WASF2: variants seen among roughly 807,000 people sequenced by gnomAD.
The protein encoded by WASF2 is actin-binding protein WASF2.
A neutral mutation model predicts 45.0 loss-of-function variants in WASF2; 14 were observed. The ratio of observed to expected loss-of-function variants is 0.31; its 90% CI spans 0.21 to 0.49. The LOEUF is 0.49. Among genes scored for constraint, WASF2 ranks in the 20% least tolerant of loss-of-function variants. The pLI is 0.99. For missense variants in WASF2, 439 were observed against 636.1 expected (o/e 0.69, Z 3.33); for synonymous variants, 200 against 236.3 (o/e 0.85, Z 1.41).
chr1:27,480,444 G>A (rs1016370331), intron 1 of WASF2, among the ~76,000 whole-genome samples: 10 of 151,962 alleles, frequency 6.6e-5, no homozygotes, highest in Non-Finnish European at 1.5e-4. Flanking sequence ...TTGGACCCGG[G>A]AGGCAGAGGT....
rs188973063 is a variant in WASF2, at chr1:27,456,286, C to T, written c.-43-27353G>A. ...GCAGTGGGCTGAGACTGCACCACTG[C>T]ACTCTATCCTGGGCTACAGAGCGAG... On this transcript the variant is annotated intron_variant, in intron 1 of 8. Coordinates refer to ENST00000618852, the MANE Select transcript of WASF2 (RefSeq NM_006990.5). Among the ~76,000 whole-genome samples, 228 of 142,488 alleles carry T rather than the reference C, an allele frequency of 1.6e-3. 2 individuals carry two copies. The highest frequency in any genetic ancestry group is 2.2e-3 in the Non-Finnish European group (148 of 66,748). 93.5% of individuals were successfully genotyped at this position (142,488 alleles called of 152,430 possible).
intron 1 of WASF2, among the ~76,000 whole-genome samples, chr1:27,467,979 T>C (rs1024251189): frequency 1.3e-5 from 2 of 151,612 alleles, no homozygotes; most frequent in African/African-American, 4.8e-5. Context: ...TGTCGCCCAG[T>C]CTGGAGTGTA....
intron 1 of WASF2, among the ~76,000 whole-genome samples, chr1:27,462,041 G>A (rs1484949948): frequency 4.0e-5 from 6 of 149,558 alleles, no homozygotes; most frequent in South Asian, 2.1e-4. Context: ...GCAGTGGTGC[G>A]ATCTCGGATC....
intron 1 of WASF2, among the ~76,000 whole-genome samples, chr1:27,485,491 G>A (rs1056209204): frequency 6.6e-6 from 1 of 152,076 alleles, no homozygotes; most frequent in Non-Finnish European, 1.5e-5. Flanking sequence ...GGTGGAGGGT[G>A]TCATTCTAAA....
chr1:27,446,697 C>T (rs1385613298), intron 1 of WASF2, among the ~76,000 whole-genome samples: 6 of 150,978 alleles, frequency 4.0e-5, no homozygotes, highest in Non-Finnish European at 8.8e-5. Flanking sequence ...GGGTGGATCG[C>T]TTGAGCCTGG....
chr1:27,468,181 C>A (rs1379477339), intron 1 of WASF2, among the ~76,000 whole-genome samples: 1 of 152,068 alleles, frequency 6.6e-6, no homozygotes, highest in Non-Finnish European at 1.5e-5. Context: ...TTGAATATTT[C>A]TGTTAGACAA....
At chr1:27,478,885 A>G (rs2017808202) in intron 1 of WASF2, among the ~76,000 whole-genome samples, 2 of 152,114 alleles carry the variant, frequency 1.3e-5, no homozygotes, top group Admixed American at 6.6e-5. Flanking sequence ...CGCCCAGCCA[A>G]AATGTTCTAT....
intron 1 of WASF2, among the ~76,000 whole-genome samples, chr1:27,462,429 T>A (rs932984249): frequency 6.6e-6 from 1 of 152,154 alleles, no homozygotes; most frequent in African/African-American, 2.4e-5. Flanking sequence ...TAATGTAAAG[T>A]TCGTATCTTT....
chr1:27,444,628 A>G (rs2017288555), intron 1 of WASF2, among the ~76,000 whole-genome samples: 1 of 152,218 alleles, frequency 6.6e-6, no homozygotes, highest in South Asian at 2.1e-4. Flanking sequence ...GAGGCCAAGA[A>G]GTAGGTGGGC....
At chr1:27,430,193 AT>A (rs1198980107) in intron 1 of WASF2, among the ~76,000 whole-genome samples, 1 of 152,246 alleles carries the variant, frequency 6.6e-6, no homozygotes, top group Admixed American at 6.5e-5. Context: ...CACAAAATGG[AT>A]ATGACTACAG....
Position 27,408,113 on chromosome 1 carries a change from C to G in WASF2, c.*76G>C. The G allele has an allele frequency of 6.5e-7, 1 of 1,543,206 alleles. No homozygotes were observed. The highest frequency in any genetic ancestry group is 2.3e-5 in the East Asian group (1 of 43,836). ...TTTTTTCCTCCCTTTTCTCCCCCTACGGGTCTGTTGGGGTTGGCATCAAAG... is the reference window on the plus strand; with the variant it reads ...TTTTTTCCTCCCTTTTCTCCCCCTAGGGGTCTGTTGGGGTTGGCATCAAAG... On this transcript the variant is annotated 3_prime_UTR_variant, in exon 9 of 9. Transcript: ENST00000618852.
chr1:27,425,838 C>CAAA (rs57916899), intron 2 of WASF2, among the ~76,000 whole-genome samples: 3,342 of 48,586 alleles, frequency 0.069, 390 homozygotes, highest in African/African-American at 0.11. Flanking sequence ...GACTCCGTCT[C>CAAA]AAAAAAAAAA....
intron 2 of WASF2, among the ~76,000 whole-genome samples, chr1:27,426,356 T>A (rs146796407): frequency 6.6e-6 from 1 of 151,954 alleles, no homozygotes; most frequent in Non-Finnish European, 1.5e-5. Context: ...GAGGGAGGCT[T>A]GGGTAATAGT....
intron 2 of WASF2, among the ~76,000 whole-genome samples, chr1:27,420,053 C>T (rs911379324): frequency 1.3e-5 from 2 of 152,044 alleles, no homozygotes; most frequent in African/African-American, 4.8e-5. Flanking sequence ...TACAGATGCG[C>T]ACCACCATGC....
intron 1 of WASF2, among the ~76,000 whole-genome samples, chr1:27,474,022 A>G (rs560461200): frequency 1.3e-5 from 2 of 152,202 alleles, no homozygotes; most frequent in Non-Finnish European, 1.5e-5. Flanking sequence ...GGGAAACCAA[A>G]GTACTGGAGA....
chr1:27,416,054 G>A lies in WASF2; in HGVS notation c.468C>T (p.Phe156=), dbSNP rs1446338722. ...ALKFYTDPSY[F]FDLWKEKMLQ... is the part of the protein sequence containing the mutation. ...GCATCTTCTCCTTCCAAAGATCAAA[G>A]AAGTATGAAGGGTCTGTGTAGAATT... Residue 156 remains phenylalanine, a synonymous_variant, in exon 5 of 9, where the codon TTC becomes TTT. Coordinates refer to ENST00000618852, the MANE Select transcript of WASF2 (RefSeq NM_006990.5). The A allele has an allele frequency of 1.2e-6, 2 of 1,614,102 alleles. No individual in the cohort carries two copies. The highest frequency in any genetic ancestry group is 2.2e-5 in the South Asian group (2 of 91,074).
At chr1:27,440,023 C>A (rs1385346041) in intron 1 of WASF2, among the ~76,000 whole-genome samples, 1 of 151,992 alleles carries the variant, frequency 6.6e-6, no homozygotes, top group Admixed American at 6.6e-5. Flanking sequence ...GTAAACAAAA[C>A]AAAACCCAAA....
intron 1 of WASF2, among the ~76,000 whole-genome samples, chr1:27,445,499 A>G (rs1382980866): frequency 6.7e-6 from 1 of 149,958 alleles, no homozygotes; most frequent in Non-Finnish European, 1.5e-5. Context: ...TCTCCCATGG[A>G]AAAAAGACTG....
chr1:27,418,203 A>C, intron 4 of WASF2, 66 bp downstream of exon 4: 1 of 1,529,580 alleles, frequency 6.5e-7, no homozygotes, highest in South Asian at 1.3e-5. Context: ...CAACCGCTTC[A>C]GACAAAAAAA....
Sources: gnomAD v4.1 joint callset for allele counts (sites outside exome capture counted in the v4.1 genomes callset) on GRCh38, gnomAD v4.1.1 for gene constraint, MANE v1.5 for transcripts, NCBI Gene and HGNC (gene_info 2026-07-23, HGNC 2026-07-21) for gene names.